FARP1: variants seen among roughly 807,000 people sequenced by gnomAD.
FARP1 encodes FERM, ARH/RhoGEF and pleckstrin domain protein 1.
A neutral mutation model predicts 128.8 loss-of-function variants in FARP1; 52 were observed. The observed-to-expected ratio is 0.40, with a 90% confidence interval of 0.32 to 0.51. The LOEUF is 0.51. FARP1 is among the 20% of genes least tolerant of loss of function. FARP1 has a pLI of 0.45. For missense variants in FARP1, 1,333 were observed against 1,367.9 expected (o/e 0.97, Z 0.40); for synonymous variants, 580 against 551.8 (o/e 1.05, Z -0.72).
chr13:98,326,379 G>A (rs1265150336), intron 2 of FARP1, among the ~76,000 whole-genome samples: 1 of 152,056 alleles, frequency 6.6e-6, no homozygotes, highest in South Asian at 2.1e-4. Flanking sequence ...GTAGCTTTTC[G>A]TATTTTCACA....
At chr13:98,163,876 T>C (rs1235017685) in intron 1 of FARP1, among the ~76,000 whole-genome samples, 1 of 151,894 alleles carries the variant, frequency 6.6e-6, no homozygotes, top group Non-Finnish European at 1.5e-5. Context: ...GCCCAGCTAA[T>C]TTTTGTATTT....
At position 98,409,378 on chromosome 13, in the gene FARP1, GA is replaced by G; in HGVS notation, c.1457del (p.Asn486ThrfsTer11). On this transcript the variant is annotated frameshift_variant, in exon 14 of 27. Coordinates refer to ENST00000319562, the MANE Select transcript of FARP1 (RefSeq NM_005766.4). LOFTEE classifies it high-confidence loss of function. ...GTCCTCACCTTTCCGAGCTGTCTGT[GA>G]ACTCGCAGGGGGGAGTGGCCCCTGC... The part of the protein sequence containing the change: ...GSPHLSELSV[N>X]SQGGVAPANV... 6.2e-7 allele frequency: 1 copy of G among 1,613,838 alleles called. No individual in the cohort carries two copies. Among genetic ancestry groups the G allele is most frequent in the Non-Finnish European group, 8.5e-7 (1 of 1,179,954 alleles).
At chr13:98,213,551 C>G (rs867846493) in intron 2 of FARP1, 138 bp downstream of exon 2, 68 of 849,198 alleles carry the variant, frequency 8.0e-5, no homozygotes, top group South Asian at 4.3e-4. Flanking sequence ...TCCCCGCCCC[C>G]CAATGGCCCC....
rs76472801 is a variant in FARP1, at chr13:98,254,621, C to T, written c.171+41208C>T. 2.7e-3 allele frequency among the ~76,000 whole-genome samples: 417 copies of T among 151,890 alleles called. 6 individuals are homozygous for T. Among genetic ancestry groups the T allele is most frequent in the African/African-American group, 9.7e-3 (403 of 41,544 alleles). ...AATGTGATTTAAGCCAAATGCATGGCGGTGTAGCCTGGCCAGCTGTTTACA... is the reference window on the plus strand; with the variant it reads ...AATGTGATTTAAGCCAAATGCATGGTGGTGTAGCCTGGCCAGCTGTTTACA... On this transcript the variant is annotated intron_variant, in intron 2 of 26. Coordinates refer to ENST00000319562, the MANE Select transcript of FARP1 (RefSeq NM_005766.4).
intron 2 of FARP1, among the ~76,000 whole-genome samples, chr13:98,252,714 C>T (rs1157086754): frequency 6.6e-6 from 1 of 152,164 alleles, no homozygotes; most frequent in Non-Finnish European, 1.5e-5. Flanking sequence ...GTTGCCTGTG[C>T]CTTCCCAGGA....
chr13:98,208,315 G>GAA (rs547241664), intron 1 of FARP1, among the ~76,000 whole-genome samples: 3 of 129,634 alleles, frequency 2.3e-5, no homozygotes, highest in Admixed American at 7.8e-5. Context: ...CTACTGGGGA[G>GAA]AAAAAAAAAA....
At chr13:98,184,035 A>G (rs1423905327) in intron 1 of FARP1, among the ~76,000 whole-genome samples, 2 of 151,946 alleles carry the variant, frequency 1.3e-5, no homozygotes, top group African/African-American at 4.8e-5. Flanking sequence ...CTTCAGTTCC[A>G]CCTTCCCAGT....
chr13:98,271,186 A>G (rs1884372170), intron 2 of FARP1, among the ~76,000 whole-genome samples: 1 of 152,182 alleles, frequency 6.6e-6, no homozygotes, highest in Admixed American at 6.5e-5. Context: ...CTTAGACACT[A>G]CGCTAGTTGT....
chr13:98,270,092 G>A (rs900392476), intron 2 of FARP1, among the ~76,000 whole-genome samples: 10 of 152,152 alleles, frequency 6.6e-5, no homozygotes, highest in African/African-American at 2.4e-4. Flanking sequence ...TTGAGAATAG[G>A]TAATTTTATA....
At position 98,338,341 on chromosome 13, in the gene FARP1, C is replaced by T. The variant is rs150870451; in HGVS notation, c.172-5421C>T. ...TTCCCCTCCCCAAAGCCCCTGGCAA[C>T]CCCCATTCTACTTTCTGTCTTTATG... On this transcript the variant is annotated intron_variant, in intron 2 of 26. Transcript: ENST00000319562. Among the ~76,000 whole-genome samples the T allele has an allele frequency of 5.6e-3, 855 of 152,306 alleles. 9 individuals are homozygous for T. Among genetic ancestry groups the T allele is most frequent in the African/African-American group, 0.019 (789 of 41,566 alleles).
chr13:98,313,958 G>A (rs1374003358), intron 2 of FARP1, among the ~76,000 whole-genome samples: 2 of 152,188 alleles, frequency 1.3e-5, no homozygotes, highest in Non-Finnish European at 2.9e-5. Context: ...TTTAGGATGA[G>A]GGTCCCATCC....
chr13:98,311,813 T>C (rs542989005), intron 2 of FARP1, among the ~76,000 whole-genome samples: 100 of 151,814 alleles, frequency 6.6e-4, no homozygotes, highest in Non-Finnish European at 1.1e-3. Flanking sequence ...ATGTAACTGC[T>C]GTTCTTTTAT....
intron 2 of FARP1, among the ~76,000 whole-genome samples, chr13:98,264,358 C>T (rs1053894205): frequency 6.6e-6 from 1 of 152,192 alleles, no homozygotes; most frequent in African/African-American, 2.4e-5. Context: ...TTCTGAGCAG[C>T]GTGATGGACT....
In FARP1 at chr13:98,210,556, TTC is replaced by T. The variant is rs1491553012; in HGVS notation, c.-23-2662_-23-2661del. ...ACTTTCTTTTTCGTTTTTCTATCTT[TTC>T]TTTTTTTTTGAGACAGAGTCTCGCT... On this transcript the variant is annotated intron_variant, in intron 1 of 26. Transcript: ENST00000319562. 2.0e-3 allele frequency among the ~76,000 whole-genome samples: 282 copies of T among 144,532 alleles called. 1 individual carries two copies. The highest frequency in any genetic ancestry group is 6.9e-3 in the African/African-American group (263 of 38,314). The allele number at this position is 144,532 out of a possible 152,430, so 94.8% of individuals were successfully genotyped here. A position where few individuals can be genotyped will look rare whatever the true frequency, so the allele number is the denominator to read the frequency against.
intron 1 of FARP1, among the ~76,000 whole-genome samples, chr13:98,212,348 G>A (rs1286846914): frequency 1.3e-5 from 2 of 152,150 alleles, no homozygotes; most frequent in African/African-American, 2.4e-5. Flanking sequence ...GAGCCACCGT[G>A]CCTGGCTGGG....
chr13:98,271,449 T>A lies in FARP1; in HGVS notation c.171+58036T>A, dbSNP rs1183589186. ...GGGATACATGTGTAGAACGTGCAGG[T>A]TTGTTACATAGGTATACATGTGCCA... On this transcript the variant is annotated intron_variant, in intron 2 of 26. Coordinates refer to ENST00000319562, the MANE Select transcript of FARP1 (RefSeq NM_005766.4). Among the ~76,000 whole-genome samples, 14 of 152,314 alleles carry A rather than the reference T, an allele frequency of 9.2e-5. No individual in the cohort carries two copies. In the South Asian group the frequency reaches 2.3e-3, roughly 25 times the overall value.
At chr13:98,373,529 G>GACACACACACACACAC (rs1555341442) in intron 5 of FARP1, among the ~76,000 whole-genome samples, 1 of 79,168 alleles carries the variant, frequency 1.3e-5, no homozygotes, top group Non-Finnish European at 2.5e-5. Flanking sequence ...GAGACAGACA[G>GACACACACACACACAC]ACAGACACAC....
intron 1 of FARP1, among the ~76,000 whole-genome samples, chr13:98,194,621 G>T (rs1331071496): frequency 2.0e-5 from 3 of 152,158 alleles, no homozygotes; most frequent in South Asian, 2.1e-4. Context: ...TTATTACTTA[G>T]AATTTTATTT....
chr13:98,244,314 C>A (rs1882939532), intron 2 of FARP1, among the ~76,000 whole-genome samples: 1 of 152,134 alleles, frequency 6.6e-6, no homozygotes, highest in Non-Finnish European at 1.5e-5. Flanking sequence ...CTAATGTATA[C>A]AATTTGGTGA....
Sources: gnomAD v4.1 joint callset for allele counts (sites outside exome capture counted in the v4.1 genomes callset) on GRCh38, gnomAD v4.1.1 for gene constraint, MANE v1.5 for transcripts, NCBI Gene and HGNC (gene_info 2026-07-23, HGNC 2026-07-21) for gene names.